Variants in EXOC6B observed in about 807,000 individuals in gnomAD.
The protein encoded by EXOC6B is SEC15 homolog B.
Under a neutral mutation model 113.5 loss-of-function variants are expected in EXOC6B, and 54 were observed. That is an observed-to-expected ratio of 0.48 (90% CI 0.38 to 0.60). EXOC6B has a LOEUF of 0.60. Ranked by LOEUF, EXOC6B falls within the 20% of genes least tolerant of loss-of-function variation. The probability of loss-of-function intolerance (pLI) is 0.00; values close to 1 mark genes in which losing one functional copy is unlikely to be tolerated. For missense variants in EXOC6B, 797 were observed against 977.5 expected, an observed-to-expected ratio of 0.82 and a Z score of 2.46; for synonymous variants, 357 against 339.0, an observed-to-expected ratio of 1.05 and a Z score of -0.58.
chr2:72,716,869 A>C (rs1025196445), intron 6 of EXOC6B, among the ~76,000 whole-genome samples: 1 of 152,188 alleles, frequency 6.6e-6, no homozygotes, highest in African/African-American at 2.4e-5. Flanking sequence ...CAATTTTTAA[A>C]AAGGCAACTT....
chr2:72,708,297 T>C (rs1023410410), intron 6 of EXOC6B, among the ~76,000 whole-genome samples: 15 of 152,172 alleles, frequency 9.9e-5, no homozygotes, highest in African/African-American at 3.6e-4. Flanking sequence ...CAGTTCAAAA[T>C]ATTATTAAAA....
chr2:72,387,143 G>A (rs1481507655), intron 18 of EXOC6B, among the ~76,000 whole-genome samples: 1 of 152,090 alleles, frequency 6.6e-6, no homozygotes, highest in African/African-American at 2.4e-5. Flanking sequence ...ATGAGCACAT[G>A]GATACACTCA....
At chr2:72,191,144 T>C (rs959178435) in intron 20 of EXOC6B, among the ~76,000 whole-genome samples, 3 of 152,230 alleles carry the variant, frequency 2.0e-5, no homozygotes, top group African/African-American at 7.2e-5. Flanking sequence ...AAAATGTGTG[T>C]AAGTGGAAAA....
At chr2:72,257,539 A>C (rs557978992) in intron 20 of EXOC6B, among the ~76,000 whole-genome samples, 6 of 152,364 alleles carry the variant, frequency 3.9e-5, no homozygotes, top group Non-Finnish European at 7.3e-5. Flanking sequence ...AAGGCAATGT[A>C]TTATTCTAAT....
Position 72,741,404 on chromosome 2 carries a change from T to C in EXOC6B, c.179A>G (p.His60Arg), listed in dbSNP as rs1681312665. ...MEKLETRIRN[H>R]DREIEKMCNF... ...GCACATTTTCTCAATTTCTCGGTCG[T>C]GATTACGGATACGAGTTTCAAGCTT... The change falls in exon 2 of 22, where the codon CAC becomes CGC. Residue 60 changes from histidine (H) to arginine (R), a missense_variant. Transcript: ENST00000272427. 1 of 1,613,834 alleles carries C rather than the reference T, an allele frequency of 6.2e-7. No individual in the cohort carries two copies. The highest frequency in any genetic ancestry group is 1.3e-5 in the African/African-American group (1 of 75,002).
intron 20 of EXOC6B, among the ~76,000 whole-genome samples, chr2:72,185,319 T>G (rs1678350878): frequency 6.6e-6 from 1 of 152,256 alleles, no homozygotes; most frequent in African/African-American, 2.4e-5. Flanking sequence ...GCCTGGGCTC[T>G]AGGCACACCT....
chr2:72,773,120 C>CTTTTTTTTTTTTTTTTTTTTTTTTTT (rs1254377634), intron 1 of EXOC6B, among the ~76,000 whole-genome samples: 2 of 94,892 alleles, frequency 2.1e-5, no homozygotes, highest in African/African-American at 9.4e-5. Context: ...CTTAGATTTT[C>CTTTTTTTTTTTTTTTTTTTTTTTTTT]TTTTTTTTTT....
chr2:72,565,960 C>G (rs575797901), intron 7 of EXOC6B, among the ~76,000 whole-genome samples: 7 of 151,992 alleles, frequency 4.6e-5, no homozygotes, highest in African/African-American at 1.7e-4. Flanking sequence ...GGAAACTACC[C>G]TGAGGATATA....
chr2:72,438,996 T>C (rs1330528411), intron 18 of EXOC6B, among the ~76,000 whole-genome samples: 1 of 152,188 alleles, frequency 6.6e-6, no homozygotes, highest in Non-Finnish European at 1.5e-5. Flanking sequence ...TTTCTGATGC[T>C]ATTACTCAAG....
At chr2:72,720,157 A>G (rs1035817604) in intron 5 of EXOC6B, among the ~76,000 whole-genome samples, 1 of 152,184 alleles carries the variant, frequency 6.6e-6, no homozygotes, top group Admixed American at 6.5e-5. Flanking sequence ...ATATCATTTG[A>G]AAATCAACAA....
At chr2:72,646,258 C>G (rs1212521297) in intron 6 of EXOC6B, among the ~76,000 whole-genome samples, 2 of 152,138 alleles carry the variant, frequency 1.3e-5, no homozygotes, top group African/African-American at 4.8e-5. Flanking sequence ...AGTTGAATCT[C>G]TGAATAGACC....
chr2:72,438,340 G>A (rs931274253), intron 18 of EXOC6B, among the ~76,000 whole-genome samples: 31 of 151,804 alleles, frequency 2.0e-4, no homozygotes, highest in Non-Finnish European at 3.1e-4. Context: ...GCTGGGCATA[G>A]TGGCTCACAC....
At chr2:72,742,376 G>A (rs74926720) in intron 1 of EXOC6B, among the ~76,000 whole-genome samples, 1 of 152,094 alleles carries the variant, frequency 6.6e-6, no homozygotes, top group African/African-American at 2.4e-5. Flanking sequence ...TGTTGGCCAG[G>A]TTGATCTTGA....
intron 20 of EXOC6B, among the ~76,000 whole-genome samples, chr2:72,318,117 G>T (rs1342447639): frequency 6.6e-6 from 1 of 152,172 alleles, no homozygotes; most frequent in Non-Finnish European, 1.5e-5. Flanking sequence ...TTTATTATCA[G>T]CATGGGATTA....
chr2:72,525,617 A>G (rs1024703089), intron 8 of EXOC6B, among the ~76,000 whole-genome samples: 1 of 152,214 alleles, frequency 6.6e-6, no homozygotes, highest in Middle Eastern at 3.2e-3. Context: ...AATTATCTGC[A>G]TATAACTGTG....
chr2:72,629,910 C>CT (rs1672283947), intron 6 of EXOC6B, among the ~76,000 whole-genome samples: 1 of 152,190 alleles, frequency 6.6e-6, no homozygotes, highest in Non-Finnish European at 1.5e-5. Context: ...TAATACACCA[C>CT]TTTTTATAGG....
At chr2:72,513,323 A>C in intron 10 of EXOC6B, 71 bp from the exon 11 acceptor site, 1 of 1,579,216 alleles carries the variant, frequency 6.3e-7, no homozygotes. Context: ...GGGGTTTGAC[A>C]AGCATTAAGA....
At chr2:72,452,273 A>G (rs1187873734) in intron 18 of EXOC6B, among the ~76,000 whole-genome samples, 1 of 152,176 alleles carries the variant, frequency 6.6e-6, no homozygotes, top group African/African-American at 2.4e-5. Context: ...TCCATGCATG[A>G]TGTCCCTGTT....
At chr2:72,237,662 T>A (rs1368688351) in intron 20 of EXOC6B, among the ~76,000 whole-genome samples, 2 of 152,198 alleles carry the variant, frequency 1.3e-5, no homozygotes, top group Non-Finnish European at 2.9e-5. Context: ...TGAATCTCTG[T>A]GTAATTGCCA....
Sources: gnomAD v4.1 joint callset for allele counts (sites outside exome capture counted in the v4.1 genomes callset) on GRCh38, gnomAD v4.1.1 for gene constraint, MANE v1.5 for transcripts, NCBI Gene and HGNC (gene_info 2026-07-23, HGNC 2026-07-21) for gene names.